TMEM132B: variants seen among roughly 807,000 people sequenced by gnomAD.
TMEM132B encodes transmembrane protein 132B.
Under a neutral mutation model 90.8 loss-of-function variants are expected in TMEM132B, and 18 were observed. That is an observed-to-expected ratio of 0.20 (90% confidence interval 0.14 to 0.29). TMEM132B has a LOEUF of 0.29. Among genes scored for constraint, TMEM132B ranks in the 10% least tolerant of loss-of-function variants. The pLI is 1.00. For missense variants in TMEM132B, 1,096 were observed against 1,326.8 expected (o/e 0.83, Z 2.70); for synonymous variants, 504 against 523.3 (o/e 0.96, Z 0.50).
At chr12:125,509,428 A>G (rs559043719) in intron 3 of TMEM132B, among the ~76,000 whole-genome samples, 34 of 152,278 alleles carry the variant, frequency 2.2e-4, no homozygotes, top group African/African-American at 7.9e-4. Context: ...AGGGCATTCC[A>G]TAGTTAATGA....
At chr12:125,392,120 A>T (rs548287133) in intron 2 of TMEM132B, among the ~76,000 whole-genome samples, 9 of 152,266 alleles carry the variant, frequency 5.9e-5, no homozygotes, top group Middle Eastern at 6.8e-3. Flanking sequence ...ATCAAAATTA[A>T]CTTGGATTTT....
chr12:125,324,766 C>T (rs1481988398), intron 1 of TMEM132B, among the ~76,000 whole-genome samples: 1 of 152,208 alleles, frequency 6.6e-6, no homozygotes, highest in African/African-American at 2.4e-5. Flanking sequence ...TGAAACTGGT[C>T]TCTGGTGCCA....
At chr12:125,192,463 G>T (rs1344865920) in intron 1 of TMEM132B, among the ~76,000 whole-genome samples, 1 of 138,232 alleles carries the variant, frequency 7.2e-6, no homozygotes, top group Non-Finnish European at 1.6e-5. Context: ...AGAGTTTGGA[G>T]AATTTTCCCC....
intron 4 of TMEM132B, 68 bp from the exon 5 acceptor site, chr12:125,583,783 C>A: frequency 6.4e-7 from 1 of 1,564,280 alleles, no homozygotes. Flanking sequence ...GCTTGGTGGA[C>A]ACCCCTCTCC....
At position 125,344,617 on chromosome 12, in the gene TMEM132B, G is replaced by A. The variant is rs148466620; in HGVS notation, c.68-4835G>A. On this transcript the variant is annotated intron_variant, in intron 1 of 8. Transcript: ENST00000682704. ...CCTGGGTTCTCCCCTCTTCCTACCCGCCAGTCTTCTACCAGAGCTTCCAAT... is the reference window on the plus strand; with the variant it reads ...CCTGGGTTCTCCCCTCTTCCTACCCACCAGTCTTCTACCAGAGCTTCCAAT... Among the ~76,000 whole-genome samples the A allele has an allele frequency of 1.6e-3, 243 of 152,222 alleles. 2 individuals are homozygous for A. Among genetic ancestry groups the A allele is most frequent in the African/African-American group, 5.4e-3 (224 of 41,540 alleles).
At chr12:125,529,015 C>T (rs12817388) in intron 4 of TMEM132B, among the ~76,000 whole-genome samples, 13,278 of 143,688 alleles carry the variant, frequency 0.092, 807 homozygotes, top group Non-Finnish European at 0.14. Context: ...CTTCTCCTTT[C>T]TTCCCCCTCC....
chr12:125,341,947 T>C (rs1566007271), intron 1 of TMEM132B, among the ~76,000 whole-genome samples: 1 of 152,220 alleles, frequency 6.6e-6, no homozygotes, highest in East Asian at 1.9e-4. Context: ...TCTACCAGTC[T>C]TCCCTTTACC....
At chr12:125,261,558 G>GGT (rs1322541015) in intron 1 of TMEM132B, among the ~76,000 whole-genome samples, 1 of 152,162 alleles carries the variant, frequency 6.6e-6, no homozygotes, top group Non-Finnish European at 1.5e-5. Flanking sequence ...CCCAAATCAG[G>GGT]ATGTATTATC....
chr12:125,381,494 TC>T (rs915871968), intron 2 of TMEM132B, among the ~76,000 whole-genome samples: 2 of 152,190 alleles, frequency 1.3e-5, no homozygotes, highest in African/African-American at 4.8e-5. Flanking sequence ...TCTATTGGCC[TC>T]CCTTCCCAAT....
At chr12:125,565,190 A>T (rs1237970238) in intron 4 of TMEM132B, among the ~76,000 whole-genome samples, 2 of 152,218 alleles carry the variant, frequency 1.3e-5, no homozygotes, top group Non-Finnish European at 2.9e-5. Context: ...TTTGCACCTG[A>T]GGCTTTACCC....
At chr12:125,523,308 G>A (rs757690733) in intron 4 of TMEM132B, among the ~76,000 whole-genome samples, 1 of 152,094 alleles carries the variant, frequency 6.6e-6, no homozygotes, top group Non-Finnish European at 1.5e-5. Flanking sequence ...CTCTAGGGGA[G>A]AATTTATTCT....
At chr12:125,359,074 A>G (rs947569802) in intron 2 of TMEM132B, among the ~76,000 whole-genome samples, 4 of 152,224 alleles carry the variant, frequency 2.6e-5, no homozygotes, top group Non-Finnish European at 4.4e-5. Flanking sequence ...AATGATGTGC[A>G]GCTCTCCGGA....
chr12:125,500,686 A>G (rs1882673395), intron 3 of TMEM132B, among the ~76,000 whole-genome samples: 1 of 152,198 alleles, frequency 6.6e-6, no homozygotes, highest in African/African-American at 2.4e-5. Context: ...AATACTGGGT[A>G]CTATCAGGGA....
intron 1 of TMEM132B, among the ~76,000 whole-genome samples, chr12:125,338,210 A>C (rs1025735501): frequency 2.0e-5 from 3 of 152,204 alleles, no homozygotes; most frequent in African/African-American, 7.2e-5. Context: ...TTTGGCTGCA[A>C]GTAACAGAAG....
chr12:125,538,073 C>T (rs192237216), intron 4 of TMEM132B, among the ~76,000 whole-genome samples: 6 of 152,310 alleles, frequency 3.9e-5, no homozygotes, highest in Admixed American at 1.3e-4. Context: ...AGTCTCCATC[C>T]GCTGTGCTTC....
chr12:125,192,679 G>C (rs571167812), intron 1 of TMEM132B, among the ~76,000 whole-genome samples: 3 of 152,282 alleles, frequency 2.0e-5, no homozygotes, highest in East Asian at 3.9e-4. Context: ...CTCCTCATTC[G>C]GGAGCCCCGG....
rs1300105265 is a variant in TMEM132B, at chr12:125,415,440, C to T, written c.960-91C>T. The T allele has an allele frequency of 6.8e-7, 1 of 1,460,822 alleles. No homozygotes were observed. The highest frequency in any genetic ancestry group is 2.4e-5 in the East Asian group (1 of 41,554). 90.5% of individuals were successfully genotyped at this position (1,460,822 alleles called of 1,614,324 possible). ...AGGGGGCGATGTTACAGATGCTTTC[C>T]CAGTGATCTGCTCTCGTGCCATCTT... is the stretch of plus-strand genomic sequence containing the variant. On this transcript the variant is annotated intron_variant, in intron 2 of 8. Coordinates refer to ENST00000682704, the MANE Select transcript of TMEM132B (RefSeq NM_001366854.1). This position sits in a 1 kb window ranked among gnomAD's most constrained non-coding sequence, Gnocchi z 5.3.
Position 125,501,532 on chromosome 12 carries a change from C to T in TMEM132B, c.1107-17907C>T, listed in dbSNP as rs1324155636. Among the ~76,000 whole-genome samples the T allele has an allele frequency of 3.3e-5, 5 of 152,136 alleles. No individual in the cohort carries two copies. In the East Asian group the frequency reaches 9.6e-4, roughly 29 times the overall value. The stretch of plus-strand genomic sequence containing the variant: ...TTTTTCCTGATGGTCTCCCTTTCCC[C>T]ACCCCACCCCCGACAGGCCCCAGTG... On this transcript the variant is annotated intron_variant, in intron 3 of 8. Transcript: ENST00000682704.
chr12:125,622,883 A>G (rs1886145228), intron 5 of TMEM132B, among the ~76,000 whole-genome samples: 1 of 152,166 alleles, frequency 6.6e-6, no homozygotes, highest in Non-Finnish European at 1.5e-5. Context: ...TCTAAAATAA[A>G]TTTTTATAGT....
Sources: gnomAD v4.1 joint callset for allele counts (sites outside exome capture counted in the v4.1 genomes callset) on GRCh38, gnomAD v4.1.1 for gene constraint, Gnocchi (gnomAD v3.1) non-coding constraint, MANE v1.5 for transcripts, NCBI Gene and HGNC (gene_info 2026-07-23, HGNC 2026-07-21) for gene names.